The following GNAI1 variants were observed in gnomAD, a reference collection of about 807,000 sequenced individuals.
The protein encoded by GNAI1 is guanine nucleotide-binding protein G(i) subunit alpha-1.
A neutral mutation model predicts 38.9 loss-of-function variants in GNAI1; 11 were observed. That is an observed-to-expected ratio of 0.28 (90% confidence interval 0.18 to 0.47). GNAI1 has a LOEUF of 0.47. Among genes scored for constraint, GNAI1 ranks in the 20% least tolerant of loss-of-function variants. The pLI is 0.99. For synonymous variants in GNAI1, 166 were observed against 145.1 expected (o/e 1.14, Z -1.04); for missense variants, 317 against 436.9 (o/e 0.73, Z 2.45).
chr7:80,209,085 C>T (rs1012679231), intron 5 of GNAI1, among the ~76,000 whole-genome samples: 7 of 152,116 alleles, frequency 4.6e-5, no homozygotes, highest in Admixed American at 3.9e-4. Flanking sequence ...CTATTTCTAC[C>T]AGCAATCTCT....
intron 1 of GNAI1, among the ~76,000 whole-genome samples, chr7:80,152,874 T>A (rs1787753057): frequency 6.6e-6 from 1 of 151,976 alleles, no homozygotes. Context: ...CCCGGCCAGA[T>A]TCAGTCTCAA....
At chr7:80,197,945 A>G (rs1788609296) in intron 3 of GNAI1, among the ~76,000 whole-genome samples, 1 of 152,098 alleles carries the variant, frequency 6.6e-6, no homozygotes, top group Admixed American at 6.6e-5. Flanking sequence ...CATCTGCTAC[A>G]ATACTTTGGA....
chr7:80,194,907 ATGAATGTT>A (rs1788542528), intron 3 of GNAI1, among the ~76,000 whole-genome samples: 1 of 151,976 alleles, frequency 6.6e-6, no homozygotes, highest in Non-Finnish European at 1.5e-5. Flanking sequence ...CTTTTTCCAC[ATGAATGTT>A]TGAATCATTT....
chr7:80,195,679 A>G (rs895920478), intron 3 of GNAI1, among the ~76,000 whole-genome samples: 2 of 151,950 alleles, frequency 1.3e-5, no homozygotes, highest in Non-Finnish European at 2.9e-5. Context: ...CTCCATTACC[A>G]TATTATTTAG....
chr7:80,140,916 A>G (rs188992101), intron 1 of GNAI1, among the ~76,000 whole-genome samples: 1 of 152,280 alleles, frequency 6.6e-6, no homozygotes, highest in East Asian at 1.9e-4. Context: ...TTTCAGCTCT[A>G]CAGAGGCTGC....
At position 80,223,809 on chromosome 7, in the gene GNAI1, T is replaced by C. The variant is rs749371328; in HGVS notation, c.*6316T>C. ...AATAAATATAACTTTTTTGCAGACT[T>C]GAGCATACGTTTAAACCATTTAACC... On this transcript the variant is annotated 3_prime_UTR_variant, in exon 8 of 8. Transcript: ENST00000649796. Among the ~76,000 whole-genome samples, 4 of 152,210 alleles carry C rather than the reference T, an allele frequency of 2.6e-5. No homozygotes were observed. The highest frequency in any genetic ancestry group is 6.5e-5 in the Admixed American group (1 of 15,274).
intron 1 of GNAI1, among the ~76,000 whole-genome samples, chr7:80,144,227 A>T (rs1257787614): frequency 3.3e-5 from 5 of 151,440 alleles, no homozygotes; most frequent in African/African-American, 9.7e-5. Flanking sequence ...GCTTTTTGCA[A>T]ACTTTTTTTT....
At position 80,198,338 on chromosome 7, in the gene GNAI1, C is replaced by T. The variant is rs185792320; in HGVS notation, c.304-887C>T. ...TACTGTTAAAAATCATTTCACCTAG[C>T]TTTAAAAAAAGCTTTTAAAAAATGT... On this transcript the variant is annotated intron_variant, in intron 3 of 7. Transcript: ENST00000649796. Among the ~76,000 whole-genome samples, 95 of 151,906 alleles carry T rather than the reference C, an allele frequency of 6.3e-4. 1 individual carries two copies. The highest frequency in any genetic ancestry group is 2.3e-3 in the Admixed American group (35 of 15,262).
chr7:80,174,637 G>A (rs1282832539), intron 1 of GNAI1, among the ~76,000 whole-genome samples: 2 of 150,498 alleles, frequency 1.3e-5, no homozygotes, highest in African/African-American at 4.9e-5. Flanking sequence ...TTTATTTTAT[G>A]TGTTATGTTT....
chr7:80,135,174 T>C lies in GNAI1; in HGVS notation c.14T>C (p.Leu5Pro), dbSNP rs1224009797. The change falls in exon 1 of 8, where the codon CTG becomes CCG. Residue 5 changes from leucine to proline, a missense_variant. By Grantham distance (98) the Leu-to-Pro change is moderately conservative. Around this residue, in one of 5 missense-constraint regions of GNAI1, gnomAD observed 37 missense variants for 26.2 expected, o/e 1.41. Transcript: ENST00000649796. ...GCTTTCGGCACCATGGGCTGCACGC[T>C]GAGCGCCGAGGACAAGGCGGCGGTG... Reference protein sequence around the residue: MGCTLSAEDKAAVER... With the variant: MGCTPSAEDKAAVER... 1.3e-6 allele frequency: 2 copies of C among 1,536,924 alleles called. No individual in the cohort carries two copies. The highest frequency in any genetic ancestry group is 1.8e-6 in the Non-Finnish European group (2 of 1,142,472).
intron 1 of GNAI1, among the ~76,000 whole-genome samples, chr7:80,146,490 T>C (rs554440178): frequency 6.6e-6 from 1 of 152,370 alleles, no homozygotes; most frequent in Admixed American, 6.5e-5. Flanking sequence ...CCCACAATTA[T>C]TCCTACTGTA....
At chr7:80,160,289 A>G (rs1305382558) in intron 1 of GNAI1, among the ~76,000 whole-genome samples, 3 of 151,970 alleles carry the variant, frequency 2.0e-5, no homozygotes, top group Non-Finnish European at 4.4e-5. Flanking sequence ...CTTCTCTGTA[A>G]ATTTTCTGGA....
At chr7:80,197,426 CTT>C (rs979371524) in intron 3 of GNAI1, among the ~76,000 whole-genome samples, 2 of 151,762 alleles carry the variant, frequency 1.3e-5, no homozygotes, top group African/African-American at 4.8e-5. Flanking sequence ...GGGCATTAGT[CTT>C]TTTTTGTCAA....
chr7:80,190,325 A>T (rs887358274), intron 3 of GNAI1, among the ~76,000 whole-genome samples: 2 of 152,008 alleles, frequency 1.3e-5, no homozygotes, highest in Non-Finnish European at 2.9e-5. Context: ...AAACTTTTTT[A>T]AAAAGCTTAC....
At chr7:80,151,855 A>C (rs1787732829) in intron 1 of GNAI1, among the ~76,000 whole-genome samples, 2 of 152,222 alleles carry the variant, frequency 1.3e-5, no homozygotes, top group East Asian at 3.9e-4. Context: ...CCAAGGAAAC[A>C]TTATTTACGG....
At chr7:80,213,178 A>G (rs1788902415) in intron 7 of GNAI1, among the ~76,000 whole-genome samples, 1 of 152,222 alleles carries the variant, frequency 6.6e-6, no homozygotes, top group South Asian at 2.1e-4. Flanking sequence ...TGTACAATAA[A>G]TAAGACATGT....
At chr7:80,203,392 T>A (rs1788721471) in intron 4 of GNAI1, among the ~76,000 whole-genome samples, 1 of 152,094 alleles carries the variant, frequency 6.6e-6, no homozygotes, top group Non-Finnish European at 1.5e-5. Context: ...ACTCATGGTG[T>A]GTATTAGCTT....
At chr7:80,203,124 A>AGAG (rs1343935610) in intron 4 of GNAI1, among the ~76,000 whole-genome samples, 1 of 152,226 alleles carries the variant, frequency 6.6e-6, no homozygotes, top group Non-Finnish European at 1.5e-5. Flanking sequence ...CCAGTGGCAG[A>AGAG]GAGTATTACA....
At position 80,223,355 on chromosome 7, in the gene GNAI1, A is replaced by G. The variant is rs1251299421; in HGVS notation, c.*5862A>G. On this transcript the variant is annotated 3_prime_UTR_variant, in exon 8 of 8. Coordinates refer to ENST00000649796, the MANE Select transcript of GNAI1 (RefSeq NM_002069.6). ...ACAATTTTGCAGTTATTTTTTACTA[A>G]GTTGACAAATGTTTGTACAATTTCA... is the stretch of plus-strand genomic sequence containing the variant. Among the ~76,000 whole-genome samples the G allele has an allele frequency of 6.6e-6, 1 of 152,214 alleles. No individual in the cohort carries two copies. The highest frequency in any genetic ancestry group is 1.5e-5 in the Non-Finnish European group (1 of 68,038).
Sources: gnomAD v4.1 joint callset for allele counts (sites outside exome capture counted in the v4.1 genomes callset) on GRCh38, gnomAD v4.1.1 for gene constraint, gnomAD v4.1.1 regional missense constraint, MANE v1.5 for transcripts, NCBI Gene and HGNC (gene_info 2026-07-23, HGNC 2026-07-21) for gene names.